LOC128462377: variants seen among roughly 807,000 people sequenced by gnomAD.
the LOC128462377 span, among the ~76,000 whole-genome samples, chr16:89,339,355 GCAAACAAACAAA>G: frequency 7.1e-3 from 1,078 of 152,142 alleles, 15 homozygotes; most frequent in South Asian, 0.04. Flanking sequence ...GCTTACACTA[GCAAACAAACAAA>G]CAAACAAACA....
At chr16:89,375,866 C>A in the LOC128462377 span, among the ~76,000 whole-genome samples, 188 of 151,248 alleles carry the variant, frequency 1.2e-3, no homozygotes, top group Middle Eastern at 3.5e-3. Context: ...CAGACCCACA[C>A]AAAGTGCCAC....
chr16:89,385,939 A>G, the LOC128462377 span, among the ~76,000 whole-genome samples: 1 of 152,216 alleles, frequency 6.6e-6, no homozygotes, highest in East Asian at 1.9e-4. Flanking sequence ...CGGATGCCAA[A>G]CTTAGCACAC....
At chr16:89,395,465 G>T in the LOC128462377 span, among the ~76,000 whole-genome samples, 2 of 152,358 alleles carry the variant, frequency 1.3e-5, no homozygotes, top group Middle Eastern at 3.4e-3. Flanking sequence ...GCTGGGACAC[G>T]TGCTGCTTCT....
At chr16:89,359,956 T>C in the LOC128462377 span, among the ~76,000 whole-genome samples, 1 of 151,804 alleles carries the variant, frequency 6.6e-6, no homozygotes, top group South Asian at 2.1e-4. Flanking sequence ...AGTAAACACA[T>C]GTCGGCAGTG....
chr16:89,358,900 A>G, the LOC128462377 span, among the ~76,000 whole-genome samples: 1 of 151,962 alleles, frequency 6.6e-6, no homozygotes, highest in African/African-American at 2.4e-5. Context: ...ATCATGGCTC[A>G]CCACAGCCTC....
the LOC128462377 span, among the ~76,000 whole-genome samples, chr16:89,338,063 C>T: frequency 6.6e-5 from 10 of 152,332 alleles, no homozygotes; most frequent in African/African-American, 2.2e-4. Context: ...ACCACTGTGT[C>T]GCGCTCTGCC....
the LOC128462377 span, among the ~76,000 whole-genome samples, chr16:89,415,997 C>G: frequency 6.6e-6 from 1 of 152,046 alleles, no homozygotes; most frequent in African/African-American, 2.4e-5. Flanking sequence ...GAGGCCACAA[C>G]AGACCTCATG....
chr16:89,411,756 T>C, the LOC128462377 span, among the ~76,000 whole-genome samples: 4 of 152,176 alleles, frequency 2.6e-5, no homozygotes, highest in African/African-American at 9.7e-5. Flanking sequence ...AAATCATTTT[T>C]CCCAATGGAC....
At chr16:89,337,007 C>CCAAA in the LOC128462377 span, among the ~76,000 whole-genome samples, 1 of 47,730 alleles carries the variant, frequency 2.1e-5, no homozygotes, top group Non-Finnish European at 3.7e-5. Context: ...CTGGCTCTAC[C>CCAAA]AAAAAAAAAA....
the LOC128462377 span, among the ~76,000 whole-genome samples, chr16:89,320,667 G>A: frequency 6.6e-6 from 1 of 152,198 alleles, no homozygotes; most frequent in Non-Finnish European, 1.5e-5. Context: ...TGAAGCAGAA[G>A]CCACGGCGCC....
chr16:89,355,901 C>G, the LOC128462377 span, among the ~76,000 whole-genome samples: 2 of 152,128 alleles, frequency 1.3e-5, no homozygotes, highest in Admixed American at 6.5e-5. Flanking sequence ...GTGCTCCCCC[C>G]AGCACAGCTC....
chr16:89,334,781 C>T, the LOC128462377 span, among the ~76,000 whole-genome samples: 1 of 152,116 alleles, frequency 6.6e-6, no homozygotes. Context: ...AAAAGCCCAC[C>T]CACGTGTCCA....
the LOC128462377 span, chr16:89,324,700 T>G: frequency 2.9e-6 from 1 of 345,576 alleles, no homozygotes; most frequent in South Asian, 2.2e-5. Context: ...AGACTCCAAG[T>G]GCTTCAGCTT....
At chr16:89,398,499 T>C in the LOC128462377 span, among the ~76,000 whole-genome samples, 1 of 152,168 alleles carries the variant, frequency 6.6e-6, no homozygotes, top group African/African-American at 2.4e-5. Context: ...TGAGGACTGC[T>C]TGAGCCCAGG....
the LOC128462377 span, among the ~76,000 whole-genome samples, chr16:89,396,685 T>C: frequency 6.6e-6 from 1 of 152,126 alleles, no homozygotes; most frequent in Non-Finnish European, 1.5e-5. Flanking sequence ...TTGCTATTTG[T>C]TGTTGTTGCT....
chr16:89,401,249 T>C, the LOC128462377 span, among the ~76,000 whole-genome samples: 13 of 152,124 alleles, frequency 8.5e-5, no homozygotes, highest in Admixed American at 7.2e-4. Context: ...CGGCTAACAT[T>C]TGGATTTTTA....
chr16:89,384,374 T>C, the LOC128462377 span, among the ~76,000 whole-genome samples: 1 of 151,820 alleles, frequency 6.6e-6, no homozygotes, highest in Non-Finnish European at 1.5e-5. Context: ...CTATGAAAAA[T>C]ACAAAAATTA....
the LOC128462377 span, among the ~76,000 whole-genome samples, chr16:89,334,160 A>C: frequency 5.0e-5 from 7 of 141,074 alleles, no homozygotes; most frequent in East Asian, 2.2e-4. Flanking sequence ...AAAAAAAAAA[A>C]AAAAAAAAAA....
At chr16:89,356,943 C>A in the LOC128462377 span, among the ~76,000 whole-genome samples, 1 of 152,232 alleles carries the variant, frequency 6.6e-6, no homozygotes. Context: ...CTGGGAAGGG[C>A]CAGCTCCCAA....
Sources: allele counts gnomAD v4.1 joint callset (sites outside exome capture counted in the v4.1 genomes callset), GRCh38; gene constraint gnomAD v4.1.1; transcripts MANE v1.5.